The following CDC27 variants were observed in gnomAD, a reference collection of about 807,000 sequenced individuals.
CDC27 encodes the protein cell division cycle protein 27 homolog.
CDC27 carries 27 observed loss-of-function variants against 109.7 expected under a neutral mutation model. That is an observed-to-expected ratio of 0.25 (90% confidence interval 0.18 to 0.34). CDC27 has a LOEUF of 0.34. CDC27 is among the 10% of genes least tolerant of loss of function. The pLI is 1.00. For synonymous variants in CDC27, 266 were observed against 333.9 expected (o/e 0.80, Z 2.22); for missense variants, 579 against 960.2 (o/e 0.60, Z 5.25).
At chr17:47,172,991 T>G (rs538547174) in intron 2 of CDC27, among the ~76,000 whole-genome samples, 12 of 152,278 alleles carry the variant, frequency 7.9e-5, no homozygotes, top group African/African-American at 2.9e-4. Context: ...AAATGAAAAT[T>G]TTTGTGTCCC....
chr17:47,131,527 G>A (rs566144367), intron 15 of CDC27, among the ~76,000 whole-genome samples: 3 of 152,176 alleles, frequency 2.0e-5, no homozygotes, highest in South Asian at 2.1e-4. Flanking sequence ...AAAGAGAGAA[G>A]CTGAGGGGAG....
In CDC27 at chr17:47,175,039, G is replaced by GAGAGGAAGGA. The variant is rs1226717528; in HGVS notation, c.104-2976_104-2975insTCCTTCCTCT. Among the ~76,000 whole-genome samples, 169 of 129,972 alleles carry GAGAGGAAGGA rather than the reference G, an allele frequency of 1.3e-3. 1 individual carries two copies. The highest frequency in any genetic ancestry group is 0.011 in the Middle Eastern group (3 of 272). The allele number at this position is 129,972 out of a possible 152,430, so 85.3% of individuals were successfully genotyped here. On this transcript the variant is annotated intron_variant, in intron 2 of 18. Coordinates refer to ENST00000066544, the MANE Select transcript of CDC27 (RefSeq NM_001256.6). ...AGAAAGAAAGAGAGAAAGAGAGAGA[G>GAGAGGAAGGA]AGGAAGGAAGGAAGGAAGGAAGGAA...
intron 16 of CDC27, among the ~76,000 whole-genome samples, chr17:47,124,359 C>T (rs1326436094): frequency 6.6e-6 from 1 of 152,166 alleles, no homozygotes; most frequent in African/African-American, 2.4e-5. Flanking sequence ...TCTCTGCTCT[C>T]TGCAATCTCC....
intron 4 of CDC27, among the ~76,000 whole-genome samples, chr17:47,164,041 G>C (rs913626735): frequency 6.6e-6 from 1 of 152,208 alleles, no homozygotes; most frequent in Non-Finnish European, 1.5e-5. Flanking sequence ...TGGGATTATA[G>C]GTGTGAGCCA....
chr17:47,139,868 G>A (rs978001759), intron 12 of CDC27: 2 of 151,786 alleles, frequency 1.3e-5, no homozygotes, highest in East Asian at 1.9e-4. Context: ...ACAGCTCCCA[G>A]AACTGTGTTT....
intron 2 of CDC27, among the ~76,000 whole-genome samples, chr17:47,174,782 C>T (rs567526590): frequency 6.6e-6 from 1 of 152,176 alleles, no homozygotes; most frequent in African/African-American, 2.4e-5. Flanking sequence ...ATGGTGAAAC[C>T]CCATCTCTAC....
At chr17:47,158,899 T>C (rs199907808) in intron 4 of CDC27, among the ~76,000 whole-genome samples, 1 of 151,910 alleles carries the variant, frequency 6.6e-6, no homozygotes, top group African/African-American at 2.4e-5. Context: ...GGATTACAGG[T>C]GTGAGCCACC....
intron 9 of CDC27, among the ~76,000 whole-genome samples, 157 bp downstream of exon 9, chr17:47,151,649 A>G (rs561346000): frequency 1.1e-4 from 16 of 152,342 alleles, no homozygotes; most frequent in African/African-American, 3.8e-4. Context: ...ACTCAAAATT[A>G]CATTAGTGTT....
At chr17:47,186,272 T>A (rs1488466826) in intron 1 of CDC27, among the ~76,000 whole-genome samples, 5 of 152,232 alleles carry the variant, frequency 3.3e-5, no homozygotes, top group East Asian at 1.9e-4. Flanking sequence ...CCAAAATATG[T>A]TACTCTTTGA....
rs11570458 is a variant in CDC27 at position 47,182,214 on chromosome 17, C to T, written c.28-577G>A. On this transcript the variant is annotated intron_variant, in intron 1 of 18. Transcript: ENST00000066544. ...TAATGCCACTCAATTCTCATCCACTCCAGGAAGCATATTGGAATGCAAATG... is the reference window on the plus strand; with the variant it reads ...TAATGCCACTCAATTCTCATCCACTTCAGGAAGCATATTGGAATGCAAATG... 5.2e-3 allele frequency among the ~76,000 whole-genome samples: 793 copies of T among 152,254 alleles called. 2 individuals are homozygous for T. The highest frequency in any genetic ancestry group is 8.4e-3 in the Non-Finnish European group (572 of 68,018).
intron 14 of CDC27, among the ~76,000 whole-genome samples, chr17:47,134,618 G>A (rs1366908639): frequency 6.6e-6 from 1 of 151,918 alleles, no homozygotes; most frequent in East Asian, 1.9e-4. Context: ...TGGGACTACA[G>A]GCACGCATCA....
At chr17:47,150,248 G>C (rs572315481) in intron 9 of CDC27, among the ~76,000 whole-genome samples, 1 of 152,240 alleles carries the variant, frequency 6.6e-6, no homozygotes, top group Admixed American at 6.5e-5. Context: ...TTGCTAATAA[G>C]GCAATATTGA....
chr17:47,154,386 A>G (rs892852811), intron 8 of CDC27, among the ~76,000 whole-genome samples: 1 of 152,214 alleles, frequency 6.6e-6, no homozygotes, highest in Non-Finnish European at 1.5e-5. Context: ...GAAATTAAAA[A>G]GTAAAAATAT....
intron 2 of CDC27, among the ~76,000 whole-genome samples, chr17:47,180,188 T>C (rs890310352): frequency 1.7e-4 from 26 of 152,182 alleles, no homozygotes. Context: ...ATGAAAATAT[T>C]TTTAAATAGA....
At chr17:47,177,263 AT>A (rs1484576034) in intron 2 of CDC27, among the ~76,000 whole-genome samples, 2 of 152,140 alleles carry the variant, frequency 1.3e-5, no homozygotes, top group Non-Finnish European at 2.9e-5. Context: ...TTAAAAAAAA[AT>A]GTTTAAAAAG....
intron 9 of CDC27, among the ~76,000 whole-genome samples, chr17:47,148,364 A>G (rs1485573580): frequency 6.6e-6 from 1 of 152,212 alleles, no homozygotes; most frequent in African/African-American, 2.4e-5. Flanking sequence ...ATAGCAATAA[A>G]CACTATCCAA....
At chr17:47,137,446 T>A (rs527236360) in intron 13 of CDC27, 86 bp from the exon 14 acceptor site, 1 of 712,334 alleles carries the variant, frequency 1.4e-6, no homozygotes, top group African/African-American at 1.8e-5. Context: ...AAGCCTCAAC[T>A]TAGAACAGAA....
intron 4 of CDC27, chr17:47,159,780 C>A: frequency 2.3e-6 from 1 of 429,160 alleles, no homozygotes. Context: ...AGAGAGGCCC[C>A]CAGGAAAAAG....
intron 2 of CDC27, among the ~76,000 whole-genome samples, chr17:47,176,239 T>C (rs1395012506): frequency 1.3e-5 from 2 of 152,208 alleles, no homozygotes; most frequent in Non-Finnish European, 2.9e-5. Flanking sequence ...TCAACTTTTT[T>C]TTTTTCTGTT....
Sources: allele counts gnomAD v4.1 joint callset (sites outside exome capture counted in the v4.1 genomes callset), GRCh38; gene constraint gnomAD v4.1.1; transcripts MANE v1.5; gene names NCBI Gene and HGNC (gene_info 2026-07-23, HGNC 2026-07-21).